Variants in USP53 observed in about 807,000 individuals in gnomAD.
USP53 encodes ubiquitin carboxyl-terminal hydrolase 53.
Under a neutral mutation model 94.9 loss-of-function variants are expected in USP53, and 71 were observed. The ratio of observed to expected loss-of-function variants is 0.75; its 90% CI spans 0.62 to 0.91. The LOEUF is 0.91. USP53 is among the 40% of genes least tolerant of loss of function. USP53 has a pLI of 0.00. For synonymous variants in USP53, 375 were observed against 422.7 expected (o/e 0.89, Z 1.39); for missense variants, 1,173 against 1,281.0 (o/e 0.92, Z 1.29).
chr4:119,260,950 C>CTT (rs572630415), intron 11 of USP53, among the ~76,000 whole-genome samples: 1 of 91,792 alleles, frequency 1.1e-5, no homozygotes, highest in Non-Finnish European at 2.0e-5. Flanking sequence ...TGATCTCTCT[C>CTT]TTTTTTTTTT....
intron 6 of USP53, among the ~76,000 whole-genome samples, chr4:119,246,305 C>T (rs1186860549): frequency 6.6e-6 from 1 of 152,204 alleles, no homozygotes. Context: ...ATATAACTCT[C>T]ACCCACCTCT....
chr4:119,244,500 A>G (rs908554978), intron 5 of USP53, among the ~76,000 whole-genome samples: 1 of 152,192 alleles, frequency 6.6e-6, no homozygotes, highest in African/African-American at 2.4e-5. Context: ...AATAGTAGTA[A>G]CAGCCACAAA....
At chr4:119,221,302 C>G (rs1392088615) in intron 3 of USP53, 2 of 151,962 alleles carry the variant, frequency 1.3e-5, no homozygotes, top group African/African-American at 4.8e-5. Context: ...GGCACAGTGG[C>G]TCATACCTGT....
intron 10 of USP53, among the ~76,000 whole-genome samples, chr4:119,260,187 T>A (rs1750316349): frequency 6.6e-6 from 1 of 152,210 alleles, no homozygotes; most frequent in African/African-American, 2.4e-5. Context: ...AAGTTTCTTT[T>A]CAGTAAACTT....
chr4:119,237,786 G>A (rs976859302), intron 4 of USP53, among the ~76,000 whole-genome samples: 3 of 152,112 alleles, frequency 2.0e-5, no homozygotes, highest in Admixed American at 2.0e-4. Flanking sequence ...AGTTATCTTA[G>A]CTAGATTTCT....
rs751898296 is a variant in USP53 at position 119,256,509 on chromosome 4, T to G, written c.555T>G (p.Ser185=). ...LPFTEFVRYI[S]TTALCNEVER... ...TTACAGAATTTGTGCGGTACATTTC[T>G]ACAACAGCCTTATGGTAAGAACCTA... Residue 185 remains serine (S), a synonymous_variant, in exon 9 of 19, where the codon TCT becomes TCG. Transcript: ENST00000692078. The G allele has an allele frequency of 6.2e-6, 10 of 1,614,014 alleles. No individual in the cohort carries two copies. In the East Asian group the frequency reaches 2.2e-4, roughly 36 times the overall value.
At chr4:119,224,989 G>GA (rs988478611) in intron 3 of USP53, among the ~76,000 whole-genome samples, 1 of 151,472 alleles carries the variant, frequency 6.6e-6, no homozygotes, top group Non-Finnish European at 1.5e-5. Flanking sequence ...GAAAGCAATA[G>GA]AAAAAAAATC....
chr4:119,218,530 TG>T (rs958017308), intron 3 of USP53: 9 of 152,230 alleles, frequency 5.9e-5, no homozygotes, highest in Admixed American at 5.9e-4. Context: ...TAAAACTTAC[TG>T]TTTTTTTGTT....
At chr4:119,273,506 A>G in intron 16 of USP53, 126 bp from the exon 17 acceptor site, 2 of 589,412 alleles carry the variant, frequency 3.4e-6, no homozygotes, top group Non-Finnish European at 5.9e-6. Flanking sequence ...AGTATTAAAT[A>G]ATGTACATTA....
intron 3 of USP53, among the ~76,000 whole-genome samples, chr4:119,233,118 A>G (rs1216815962): frequency 6.7e-6 from 1 of 150,038 alleles, no homozygotes; most frequent in African/African-American, 2.4e-5. Flanking sequence ...ACCATTGCTT[A>G]TGTGTTTGGT....
At chr4:119,224,280 G>T (rs557918262) in intron 3 of USP53, among the ~76,000 whole-genome samples, 12 of 152,228 alleles carry the variant, frequency 7.9e-5, no homozygotes, top group Non-Finnish European at 1.3e-4. Flanking sequence ...TTACAGGCGT[G>T]AGCCACCACA....
intron 6 of USP53, among the ~76,000 whole-genome samples, chr4:119,247,433 T>C (rs13139045): frequency 0.32 from 48,426 of 152,044 alleles, 7,997 homozygotes; most frequent in East Asian, 0.45. Flanking sequence ...ACTTTTCCAT[T>C]AGTGAGGCCT....
At chr4:119,221,628 T>C (rs974296030) in intron 3 of USP53, 8 of 152,170 alleles carry the variant, frequency 5.3e-5, no homozygotes, top group Non-Finnish European at 4.4e-5. Flanking sequence ...CCTAGAACTT[T>C]AGAGGCCTTG....
intron 3 of USP53, among the ~76,000 whole-genome samples, chr4:119,230,371 C>G (rs1350991589): frequency 6.6e-6 from 1 of 152,186 alleles, no homozygotes; most frequent in Non-Finnish European, 1.5e-5. Context: ...TGTGGTCTGT[C>G]TTTGGAGAGT....
intron 2 of USP53, among the ~76,000 whole-genome samples, chr4:119,215,427 TTAA>T (rs1021344081): frequency 9.2e-5 from 14 of 152,196 alleles, no homozygotes; most frequent in African/African-American, 3.1e-4. Flanking sequence ...TTTTTTAAAA[TTAA>T]TAATAAGAAT....
intron 5 of USP53, among the ~76,000 whole-genome samples, 178 bp from the exon 6 acceptor site, chr4:119,245,159 T>C (rs530483152): frequency 9.2e-5 from 14 of 152,206 alleles, no homozygotes; most frequent in Non-Finnish European, 1.6e-4. Flanking sequence ...ACAACATGCA[T>C]GTAGCAATTT....
rs1578448288 is a variant in USP53 at position 119,239,860 on chromosome 4, A to G, written c.101A>G (p.Asn34Ser). ...CTAGCCCCTACCAAAGGCTTGTTAA[A>G]TGAACCAGGACAAAACAGCTGCTTT... is the stretch of plus-strand genomic sequence containing the variant. The part of the protein sequence containing the change: ...LSLAPTKGLL[N>S]EPGQNSCFLN... Residue 34 changes from asparagine to serine, a missense_variant, in exon 5 of 19, where the codon AAT becomes AGT. Coordinates refer to ENST00000692078, the MANE Select transcript of USP53 (RefSeq NM_001371395.1). The G allele has an allele frequency of 6.2e-7, 1 of 1,612,284 alleles. No homozygotes were observed. The highest frequency in any genetic ancestry group is 2.2e-5 in the East Asian group (1 of 44,822).
intron 15 of USP53, 186 bp from the exon 16 acceptor site, chr4:119,271,110 C>A: frequency 4.8e-6 from 3 of 622,628 alleles, no homozygotes; most frequent in Non-Finnish European, 4.0e-6. Flanking sequence ...TTTACAAATA[C>A]CCCTCATTAA....
Position 119,243,310 on chromosome 4 carries a change from G to A in USP53, c.145-2027G>A, listed in dbSNP as rs541235955. ...GCCAGGAGTTTGAGACCAGCTTAGCGAACATGGTGAAACCCCGTCTCTACC... is the reference window on the plus strand; with the variant it reads ...GCCAGGAGTTTGAGACCAGCTTAGCAAACATGGTGAAACCCCGTCTCTACC... On this transcript the variant is annotated intron_variant, in intron 5 of 18. Coordinates refer to ENST00000692078, the MANE Select transcript of USP53 (RefSeq NM_001371395.1). 3.7e-3 allele frequency among the ~76,000 whole-genome samples: 563 copies of A among 151,984 alleles called. 2 individuals carry two copies. Among genetic ancestry groups the A allele is most frequent in the African/African-American group, 0.013 (521 of 41,506 alleles).
Sources: allele counts gnomAD v4.1 joint callset (sites outside exome capture counted in the v4.1 genomes callset), GRCh38; gene constraint gnomAD v4.1.1; transcripts MANE v1.5; gene names NCBI Gene and HGNC (gene_info 2026-07-23, HGNC 2026-07-21).